The following IARS1 variants were observed in gnomAD, a reference collection of about 807,000 sequenced individuals.
IARS1 encodes isoleucyl-tRNA synthetase 1, also known as isoleucine--tRNA ligase, cytoplasmic.
IARS1 carries 124 observed loss-of-function variants against 168.2 expected under a neutral mutation model. The ratio of observed to expected loss-of-function variants is 0.74; its 90% CI spans 0.64 to 0.86. The LOEUF is 0.86. Ranked by LOEUF, IARS1 falls within the 40% of genes least tolerant of loss-of-function variation. The pLI is 0.00. For synonymous variants in IARS1, 532 were observed against 529.4 expected, an observed-to-expected ratio of 1.00 and a Z score of -0.07; for missense variants, 1,452 against 1,515.8, an observed-to-expected ratio of 0.96 and a Z score of 0.70.
chr9:92,230,050 T>C (rs945260902), intron 30 of IARS1, among the ~76,000 whole-genome samples: 4 of 152,164 alleles, frequency 2.6e-5, no homozygotes, highest in African/African-American at 9.7e-5. Context: ...ACATGTTATG[T>C]GAATGCAATC....
Position 92,250,660 on chromosome 9 carries a change from A to G in IARS1, c.2429+53T>C, listed in dbSNP as rs901477362. The G allele has an allele frequency of 4.0e-6, 6 of 1,497,620 alleles. No individual in the cohort carries two copies. In the African/African-American group the frequency reaches 8.3e-5, roughly 21 times the overall value. 92.8% of individuals were successfully genotyped at this position (1,497,620 alleles called of 1,614,324 possible). On this transcript the variant is annotated intron_variant, in intron 23 of 33. Transcript: ENST00000443024. ...ATCCCTCCTCTTCCCCACATGCTTG[A>G]GCAACTCTCCCCTCCTTGGCACAGG...
chr9:92,220,240 GGGGAATATCACACTCT>G (rs1215982267), intron 33 of IARS1, among the ~76,000 whole-genome samples: 234 of 129,940 alleles, frequency 1.8e-3, no homozygotes, highest in African/African-American at 5.9e-3. Flanking sequence ...GACACAGGAA[GGGGAATATCACACTCT>G]GGGGACTGTT....
Position 92,271,033 on chromosome 9 carries a change from C to T in IARS1, c.1157G>A (p.Arg386Gln), listed in dbSNP as rs778830593. Residue 386 changes from arginine to glutamine, a missense_variant, in exon 12 of 34, where the codon CGA becomes CAA. Coordinates refer to ENST00000443024, the MANE Select transcript of IARS1 (RefSeq NM_002161.6). ...AGTGAAGGTGGTGGCAACCAGAAGT[C>T]GGCCTTGTTCCTTCAAAGTCCTGAT... ...SIIRTLKEQG[R>Q]LLVATTFTHS... 7.4e-6 allele frequency: 12 copies of T among 1,610,938 alleles called. No individual in the cohort carries two copies. Among genetic ancestry groups the T allele is most frequent in the Middle Eastern group, 1.6e-4 (1 of 6,070 alleles).
At chr9:92,212,328 T>C (rs1023493113) in intron 33 of IARS1, among the ~76,000 whole-genome samples, 1 of 152,162 alleles carries the variant, frequency 6.6e-6, no homozygotes, top group African/African-American at 2.4e-5. Flanking sequence ...ATTGGAAAGA[T>C]ACTGAATTAG....
chr9:92,213,460 T>C (rs1303207532), intron 33 of IARS1, among the ~76,000 whole-genome samples: 1 of 152,186 alleles, frequency 6.6e-6, no homozygotes, highest in African/African-American at 2.4e-5. Context: ...GTTCACTTTA[T>C]TTGGAAAAAG....
At chr9:92,210,966 G>A (rs1837652090) in intron 33 of IARS1, 77 bp from the exon 34 acceptor site, 2 of 916,678 alleles carry the variant, frequency 2.2e-6, no homozygotes, top group Non-Finnish European at 3.6e-6. Context: ...AATGTTAACT[G>A]CTTGTGTAGT....
At chr9:92,248,751 C>T (rs1159124211) in intron 25 of IARS1, among the ~76,000 whole-genome samples, 1 of 151,018 alleles carries the variant, frequency 6.6e-6, no homozygotes, top group African/African-American at 2.4e-5. Context: ...TAATATTTCT[C>T]TGCAACTTTC....
Position 92,243,492 on chromosome 9 carries a change from G to T in IARS1, c.2905-181C>A. ...TCAGGTACTTCTTCATAATCAGCTAGTCCTCTGTCTCTGGAGAAAGGTGTG... is the reference window on the plus strand; with the variant it reads ...TCAGGTACTTCTTCATAATCAGCTATTCCTCTGTCTCTGGAGAAAGGTGTG... On this transcript the variant is annotated intron_variant, in intron 27 of 33. Transcript: ENST00000443024. 7.9e-6 allele frequency: 4 copies of T among 506,268 alleles called. No individual in the cohort carries two copies. In the South Asian group the frequency reaches 8.9e-5, roughly 11 times the overall value. 31.4% of individuals were successfully genotyped at this position (506,268 alleles called of 1,614,324 possible). A position where few individuals can be genotyped will look rare whatever the true frequency, so the allele number is the denominator to read the frequency against.
intron 30 of IARS1, among the ~76,000 whole-genome samples, chr9:92,233,258 C>T (rs960824977): frequency 3.9e-5 from 6 of 152,174 alleles, no homozygotes; most frequent in African/African-American, 1.4e-4. Context: ...TTCTAGTTAC[C>T]TTAAAATGCT....
intron 32 of IARS1, among the ~76,000 whole-genome samples, chr9:92,222,918 A>G (rs1026131988): frequency 6.6e-6 from 1 of 152,134 alleles, no homozygotes; most frequent in African/African-American, 2.4e-5. Context: ...GGGAGCAGAT[A>G]CTCAGTACAC....
intron 33 of IARS1, 54 bp downstream of exon 33, chr9:92,222,466 A>G: frequency 6.5e-7 from 1 of 1,529,544 alleles, no homozygotes; most frequent in South Asian, 1.2e-5. Flanking sequence ...GGTTAATGGC[A>G]TCAAAATCTA....
chr9:92,240,733 T>C (rs1285313038), intron 30 of IARS1, 123 bp downstream of exon 30: 2 of 721,868 alleles, frequency 2.8e-6, no homozygotes, highest in Non-Finnish European at 5.1e-6. Context: ...AAGTTATCTA[T>C]TAAACATGAT....
At chr9:92,223,564 T>A in intron 31 of IARS1, 75 bp from the exon 32 acceptor site, 1 of 1,214,220 alleles carries the variant, frequency 8.2e-7, no homozygotes, top group Non-Finnish European at 1.2e-6. Flanking sequence ...TTTTCCTATT[T>A]AACTATCATG....
intron 19 of IARS1, among the ~76,000 whole-genome samples, chr9:92,258,648 C>T (rs112760355): frequency 6.6e-6 from 1 of 152,308 alleles, no homozygotes. Flanking sequence ...CTTTTGCAGG[C>T]TAGGGCCCAT....
chr9:92,238,411 T>C (rs1455615149), intron 30 of IARS1, among the ~76,000 whole-genome samples: 2 of 152,188 alleles, frequency 1.3e-5, no homozygotes, highest in African/African-American at 4.8e-5. Flanking sequence ...TGTTCGTTCA[T>C]GCGATAGCTG....
At position 92,247,367 on chromosome 9, in the gene IARS1, A is replaced by C. The variant is rs773475593; in HGVS notation, c.2791+10T>G. 6.2e-7 allele frequency: 1 copy of C among 1,612,090 alleles called. No homozygotes were observed. The highest frequency in any genetic ancestry group is 2.2e-5 in the East Asian group (1 of 44,864). On this transcript the variant is annotated intron_variant, in intron 26 of 33. Transcript: ENST00000443024. Reference sequence around the variant, plus strand: ...ACATAAATGGTGCCCTTGTCTGTGTAGACACCTACCAGTCTTCTGGAACTG... The same window carrying C: ...ACATAAATGGTGCCCTTGTCTGTGTCGACACCTACCAGTCTTCTGGAACTG...
chr9:92,233,694 G>C (rs1028134836), intron 30 of IARS1, among the ~76,000 whole-genome samples: 2 of 152,122 alleles, frequency 1.3e-5, no homozygotes, highest in African/African-American at 2.4e-5. Context: ...CTTAGATTTT[G>C]TCTGATTTTT....
intron 32 of IARS1, among the ~76,000 whole-genome samples, chr9:92,222,936 T>C (rs1210967275): frequency 6.6e-6 from 1 of 151,014 alleles, no homozygotes; most frequent in African/African-American, 2.4e-5. Context: ...CACAGTGAAG[T>C]GAGGAGCCCG....
rs571899053 is a variant in IARS1, at chr9:92,222,448, C to T, written c.3706+72G>A. The T allele has an allele frequency of 6.3e-6, 8 of 1,266,286 alleles. No individual in the cohort carries two copies. The East Asian group carries it at 1.9e-4, about 30-fold the overall frequency. The allele number at this position is 1,266,286 out of a possible 1,614,324, so 78.4% of individuals were successfully genotyped here. ...AATAGTACTATCTTACATGTATATG[C>T]TACAAATGGTTAATGGCATCAAAAT... is the stretch of plus-strand genomic sequence containing the variant. On this transcript the variant is annotated intron_variant, in intron 33 of 33. Transcript: ENST00000443024.
Sources: gnomAD v4.1 joint callset for allele counts (sites outside exome capture counted in the v4.1 genomes callset) on GRCh38, gnomAD v4.1.1 for gene constraint, MANE v1.5 for transcripts, NCBI Gene and HGNC (gene_info 2026-07-23, HGNC 2026-07-21) for gene names.